CCDC148: variants seen among roughly 807,000 people sequenced by gnomAD.
CCDC148 encodes the protein coiled-coil domain-containing protein 148.
In CCDC148, 89 loss-of-function variants were observed where a neutral mutation model predicts 85.7. The ratio of observed to expected loss-of-function variants is 1.04; its 90% CI spans 0.87 to 1.24. CCDC148 has a LOEUF of 1.24. Ranked by LOEUF, CCDC148 falls within the 50% of genes most tolerant of loss-of-function variation. CCDC148 has a pLI of 0.00. For synonymous variants in CCDC148, 230 were observed against 213.9 expected, an observed-to-expected ratio of 1.08 and a Z score of -0.66; for missense variants, 692 against 671.7, an observed-to-expected ratio of 1.03 and a Z score of -0.33.
At chr2:158,197,013 CATT>C (rs1685708917) in intron 11 of CCDC148, among the ~76,000 whole-genome samples, 1 of 152,076 alleles carries the variant, frequency 6.6e-6, no homozygotes. Context: ...GGTTAGCAAA[CATT>C]ATTAAAAGAT....
intron 9 of CCDC148, among the ~76,000 whole-genome samples, chr2:158,280,180 A>T (rs1024176781): frequency 2.6e-5 from 4 of 152,240 alleles, no homozygotes; most frequent in African/African-American, 7.2e-5. Flanking sequence ...TCATGCCAAA[A>T]TGTAAAGAGC....
intron 11 of CCDC148, among the ~76,000 whole-genome samples, chr2:158,201,617 G>T (rs1289676031): frequency 6.6e-6 from 1 of 152,008 alleles, no homozygotes. Context: ...TCACCATGTT[G>T]CCCAGGCTGC....
At chr2:158,248,920 T>C (rs1688678415) in intron 10 of CCDC148, among the ~76,000 whole-genome samples, 1 of 152,114 alleles carries the variant, frequency 6.6e-6, no homozygotes, top group African/African-American at 2.4e-5. Context: ...CTCTGTTCAG[T>C]TCTTGTTACA....
chr2:158,278,313 C>T (rs1053700312), intron 9 of CCDC148, among the ~76,000 whole-genome samples: 3 of 152,094 alleles, frequency 2.0e-5, no homozygotes, highest in African/African-American at 7.2e-5. Context: ...CGAGCCTAAG[C>T]AGGGTGAGAC....
chr2:158,442,904 G>A (rs918458802), intron 1 of CCDC148, among the ~76,000 whole-genome samples: 3 of 152,168 alleles, frequency 2.0e-5, no homozygotes, highest in Non-Finnish European at 4.4e-5. Flanking sequence ...GCTGAGTGGA[G>A]AGACCAGATG....
intron 1 of CCDC148, among the ~76,000 whole-genome samples, chr2:158,406,625 T>C (rs76735689): frequency 1.0e-5 from 1 of 97,594 alleles, no homozygotes; most frequent in Admixed American, 9.7e-5. Context: ...TTTTTTTTTT[T>C]TTTTTTTTTT....
At chr2:158,280,352 A>T (rs1395936801) in intron 9 of CCDC148, among the ~76,000 whole-genome samples, 1 of 152,178 alleles carries the variant, frequency 6.6e-6, no homozygotes, top group Non-Finnish European at 1.5e-5. Context: ...AAGAGTCAAG[A>T]CCCATCAGTG....
chr2:158,402,023 AAAC>A (rs1295879414), intron 1 of CCDC148, among the ~76,000 whole-genome samples: 2 of 152,042 alleles, frequency 1.3e-5, no homozygotes, highest in Non-Finnish European at 2.9e-5. Flanking sequence ...AAGTGAAGAA[AAAC>A]AACTGAGTTG....
At chr2:158,219,696 C>A (rs909504855) in intron 11 of CCDC148, among the ~76,000 whole-genome samples, 2 of 152,216 alleles carry the variant, frequency 1.3e-5, no homozygotes, top group African/African-American at 2.4e-5. Flanking sequence ...GGCCTGCCTG[C>A]ATCCAAGTTG....
intron 10 of CCDC148, among the ~76,000 whole-genome samples, chr2:158,232,538 AG>A (rs1445477218): frequency 6.6e-6 from 1 of 152,220 alleles, no homozygotes; most frequent in Non-Finnish European, 1.5e-5. Flanking sequence ...ATTTACACAT[AG>A]GAAGCAGAAA....
At chr2:158,424,890 G>A (rs1176867107) in intron 1 of CCDC148, 3 of 268,752 alleles carry the variant, frequency 1.1e-5, no homozygotes, top group Non-Finnish European at 2.2e-5. Context: ...CACATATATA[G>A]ATGAAGAGCC....
intron 1 of CCDC148, among the ~76,000 whole-genome samples, chr2:158,417,378 G>C (rs192328343): frequency 6.6e-6 from 1 of 152,338 alleles, no homozygotes; most frequent in Admixed American, 6.5e-5. Flanking sequence ...TGAGCTGATG[G>C]ACAGCCCCAG....
chr2:158,222,998 A>C (rs1189662238), intron 10 of CCDC148, among the ~76,000 whole-genome samples: 1 of 152,146 alleles, frequency 6.6e-6, no homozygotes, highest in Non-Finnish European at 1.5e-5. Flanking sequence ...TGCACCGAGC[A>C]TGAGCCGAAG....
intron 7 of CCDC148, among the ~76,000 whole-genome samples, chr2:158,337,674 A>G (rs1682457375): frequency 2.0e-5 from 3 of 152,186 alleles, no homozygotes; most frequent in South Asian, 4.1e-4. Context: ...AGAAGCTACC[A>G]TCAGAAAAAG....
chr2:158,426,400 G>C (rs535004958), intron 1 of CCDC148, among the ~76,000 whole-genome samples: 1 of 152,066 alleles, frequency 6.6e-6, no homozygotes, highest in Non-Finnish European at 1.5e-5. Flanking sequence ...TTTTAATGTA[G>C]TTAGTGAATA....
chr2:158,274,178 A>T (rs1689821006), intron 9 of CCDC148, among the ~76,000 whole-genome samples: 1 of 152,230 alleles, frequency 6.6e-6, no homozygotes, highest in African/African-American at 2.4e-5. Context: ...TTCAACATGT[A>T]GTTTGTGAAC....
chr2:158,172,894 C>G (rs1684385594), intron 13 of CCDC148, among the ~76,000 whole-genome samples: 1 of 152,016 alleles, frequency 6.6e-6, no homozygotes, highest in Admixed American at 6.6e-5. Context: ...TCAACAGAGA[C>G]TGTTTGAAAT....
intron 1 of CCDC148, among the ~76,000 whole-genome samples, chr2:158,359,249 C>T (rs957622986): frequency 8.5e-5 from 13 of 152,088 alleles, no homozygotes; most frequent in African/African-American, 3.1e-4. Context: ...TGTACTTCCA[C>T]CTCAATTATA....
intron 1 of CCDC148, among the ~76,000 whole-genome samples, chr2:158,423,398 A>ACAGAACGGAGCCC (rs1686903956): frequency 6.7e-6 from 1 of 149,944 alleles, no homozygotes; most frequent in East Asian, 2.0e-4. Context: ...GACCAATGGA[A>ACAGAACGGAGCCC]TAGAAATAAT....
Sources: gnomAD v4.1 joint callset for allele counts (sites outside exome capture counted in the v4.1 genomes callset) on GRCh38, gnomAD v4.1.1 for gene constraint, MANE v1.5 for transcripts, NCBI Gene and HGNC (gene_info 2026-07-23, HGNC 2026-07-21) for gene names.